Variants in ABCC8 observed in about 807,000 individuals in gnomAD.
ABCC8 encodes ATP-binding cassette sub-family C member 8.
A neutral mutation model predicts 188.0 loss-of-function variants in ABCC8; 137 were observed. That is an observed-to-expected ratio of 0.73 (90% CI 0.63 to 0.84). The LOEUF (loss-of-function observed/expected upper bound fraction) is 0.84, where lower values mean the gene tolerates loss of function less well. Ranked by LOEUF, ABCC8 falls within the 40% of genes least tolerant of loss-of-function variation. The pLI, the probability that ABCC8 is intolerant of heterozygous loss-of-function variation, is 0.00. For missense variants in ABCC8, 1,750 were observed against 2,072.7 expected (o/e 0.84, Z 3.02); for synonymous variants, 797 against 846.5 (o/e 0.94, Z 1.01).
At chr11:17,420,950 G>A (rs1955312729) in intron 16 of ABCC8, among the ~76,000 whole-genome samples, 1 of 152,228 alleles carries the variant, frequency 6.6e-6, no homozygotes, top group Admixed American at 6.5e-5. Flanking sequence ...GGAGGGGCAA[G>A]TGATTCTTCC....
intron 29 of ABCC8, among the ~76,000 whole-genome samples, chr11:17,399,331 T>G (rs1284336447): frequency 6.8e-6 from 1 of 147,786 alleles, no homozygotes; most frequent in Admixed American, 6.8e-5. Context: ...TTAATGACCT[T>G]CCACTGCTTA....
At chr11:17,418,298 G>A (rs1474152453) in intron 16 of ABCC8, among the ~76,000 whole-genome samples, 1 of 152,098 alleles carries the variant, frequency 6.6e-6, no homozygotes, top group African/African-American at 2.4e-5. Context: ...CCCTTGTCAG[G>A]AGAACCAGGA....
At chr11:17,437,082 ACT>A (rs1484218761) in intron 10 of ABCC8, among the ~76,000 whole-genome samples, 2 of 121,770 alleles carry the variant, frequency 1.6e-5, no homozygotes, top group Non-Finnish European at 3.3e-5. Flanking sequence ...CAAGAGTGAA[ACT>A]CTGTCTCAAA....
chr11:17,427,451 A>C lies in ABCC8; in HGVS notation c.2117-297T>G, dbSNP rs1955632918. 6.6e-6 allele frequency among the ~76,000 whole-genome samples: 1 copy of C among 152,028 alleles called. No homozygotes were observed. Among genetic ancestry groups the C allele is most frequent in the Non-Finnish European group, 1.5e-5 (1 of 67,996 alleles). On this transcript the variant is annotated intron_variant, in intron 15 of 38. Transcript: ENST00000389817. This position sits in a 1 kb window ranked among gnomAD's most constrained non-coding sequence, Gnocchi z 5.0. ...AGCCCAGGCTCCTTGTGGTCCCAAGAAACACCATCCTGGGTCCCACCTCCA... is the reference window on the plus strand; with the variant it reads ...AGCCCAGGCTCCTTGTGGTCCCAAGCAACACCATCCTGGGTCCCACCTCCA...
In ABCC8 at chr11:17,460,632, C is replaced by T. The variant is rs1403622046; in HGVS notation, c.867G>A (p.Gln289=). ...GCCTCCCGAAGGCATGGCTGAGTGC[C>T]TGCCAGATGGCCCGGGCACCTTGAG... ...QGTQGARAIW[Q]ALSHAFGRRL... The change falls in exon 6 of 39, where the codon CAG becomes CAA. Residue 289 remains glutamine (Q), a synonymous_variant. Transcript: ENST00000389817. 1 of 1,612,222 alleles carries T rather than the reference C, an allele frequency of 6.2e-7. No individual in the cohort carries two copies. Among genetic ancestry groups the T allele is most frequent in the African/African-American group, 1.3e-5 (1 of 74,932 alleles).
intron 33 of ABCC8, 194 bp from the exon 34 acceptor site, chr11:17,396,124 A>T (rs1020717732): frequency 1.5e-6 from 2 of 1,315,842 alleles, no homozygotes; most frequent in Non-Finnish European, 2.0e-6. Context: ...GGGCTTACAC[A>T]GGGACCGGCA....
chr11:17,397,342 T>C lies in ABCC8; in HGVS notation c.3868-29A>G, dbSNP rs758350275. The stretch of plus-strand genomic sequence containing the variant: ...TGGGGAGCAAGCCAGTGGCGCACAC[T>C]CCATGGTCGCTTAGTTCTGTCCTCA... On this transcript the variant is annotated intron_variant, in intron 31 of 38. Coordinates refer to ENST00000389817, the MANE Select transcript of ABCC8 (RefSeq NM_000352.6). 9 of 1,606,066 alleles carry C rather than the reference T, an allele frequency of 5.6e-6. No homozygotes were observed. In the South Asian group the frequency reaches 8.8e-5, roughly 16 times the overall value.
chr11:17,418,529 G>C (rs1162656943), intron 16 of ABCC8, among the ~76,000 whole-genome samples: 3 of 152,190 alleles, frequency 2.0e-5, no homozygotes, highest in Non-Finnish European at 4.4e-5. Flanking sequence ...ATGAGACATA[G>C]AAACCTAAAG....
chr11:17,440,273 A>T (rs949872569), intron 10 of ABCC8, among the ~76,000 whole-genome samples: 3 of 152,034 alleles, frequency 2.0e-5, no homozygotes, highest in Non-Finnish European at 4.4e-5. Flanking sequence ...GCCCTCTCCC[A>T]CCTCGGCAGC....
intron 1 of ABCC8, among the ~76,000 whole-genome samples, chr11:17,476,043 G>A (rs1848749912): frequency 6.6e-6 from 1 of 152,232 alleles, no homozygotes; most frequent in Non-Finnish European, 1.5e-5. Context: ...TGCCCGGGTG[G>A]GGTGGCGGGG....
rs142800205 is a variant in ABCC8 at position 17,397,638 on chromosome 11, G to A, written c.3867+46C>T. On this transcript the variant is annotated intron_variant, in intron 31 of 38. Coordinates refer to ENST00000389817, the MANE Select transcript of ABCC8 (RefSeq NM_000352.6). ...CTCCAGTGACGAAGGTGCTCCGGGA[G>A]TGCTGGTGTCTGACCCCTCCTCTGC... 122 of 1,594,192 alleles carry A rather than the reference G, an allele frequency of 7.7e-5. 1 individual carries two copies. In the African/African-American group the frequency reaches 1.4e-3, roughly 19 times the overall value.
At chr11:17,421,390 A>G (rs1195543797) in intron 16 of ABCC8, among the ~76,000 whole-genome samples, 1 of 152,212 alleles carries the variant, frequency 6.6e-6, no homozygotes, top group Non-Finnish European at 1.5e-5. Context: ...GGCATGTGGA[A>G]AGGAGAGAGA....
chr11:17,409,093 C>T (rs921715003), intron 22 of ABCC8, among the ~76,000 whole-genome samples: 1 of 151,130 alleles, frequency 6.6e-6, no homozygotes, highest in Admixed American at 6.6e-5. Context: ...GCTGGGACCA[C>T]AGGTGCACGC....
rs563178863 is a variant in ABCC8 at position 17,410,520 on chromosome 11, T to A, written c.2690A>T (p.Asp897Val). 2.5e-6 allele frequency: 4 copies of A among 1,614,156 alleles called. No individual in the cohort carries two copies. Among genetic ancestry groups the A allele is most frequent in the East Asian group, 4.5e-5 (2 of 44,866 alleles). Reference sequence around the variant, plus strand: ...GACCCCCTTGTTCCCCCTCACCCAGTCTGCATGGGGCAGGTACTGTAGCTT... The same window carrying A: ...GACCCCCTTGTTCCCCCTCACCCAGACTGCATGGGGCAGGTACTGTAGCTT... ...THKLQYLPHA[D>V]WIIAMKDGTI... The change falls in exon 22 of 39, where the codon GAC (aspartate) becomes GTC (valine). Residue 897 changes from aspartate to valine, a missense_variant. Asp to Val is a radical substitution (Grantham distance 152, BLOSUM62 -3). Transcript: ENST00000389817.
intron 8 of ABCC8, among the ~76,000 whole-genome samples, chr11:17,446,423 A>G (rs1956533729): frequency 6.6e-6 from 1 of 151,972 alleles, no homozygotes. Context: ...GCATGGTCAG[A>G]AATCTTCATT....
Position 17,460,543 on chromosome 11 carries a change from C to T in ABCC8, c.956G>A (p.Cys319Tyr). 1.9e-6 allele frequency: 3 copies of T among 1,614,106 alleles called. No individual in the cohort carries two copies. Among genetic ancestry groups the T allele is most frequent in the Non-Finnish European group, 1.7e-6 (2 of 1,180,048 alleles). The change falls in exon 6 of 39, where the codon TGC (cysteine) becomes TAC (tyrosine). Residue 319 changes from cysteine to tyrosine, a missense_variant. By Grantham distance (194) the Cys-to-Tyr change is radical (BLOSUM62 -2). Transcript: ENST00000389817. Reference sequence around the variant, plus strand: ...AAGGTGGTCCACGATCCCAAAGATGCACAGTGGCCCGGCGAAGCCCAGCAG... The same window carrying T: ...AAGGTGGTCCACGATCCCAAAGATGTACAGTGGCCCGGCGAAGCCCAGCAG... ...ADLLGFAGPL[C>Y]IFGIVDHLGK...
At chr11:17,396,276 G>A (rs748111348) in intron 33 of ABCC8, 3 of 436,866 alleles carry the variant, frequency 6.9e-6, no homozygotes, top group South Asian at 4.2e-5. Context: ...GGGCAGCTGA[G>A]AGTGGTATGC....
intron 16 of ABCC8, among the ~76,000 whole-genome samples, chr11:17,423,673 G>A (rs1269690692): frequency 6.6e-6 from 1 of 152,222 alleles, no homozygotes; most frequent in Non-Finnish European, 1.5e-5. Flanking sequence ...GGGAGCTGGG[G>A]CCTAGGCTAC....
intron 3 of ABCC8, among the ~76,000 whole-genome samples, chr11:17,464,784 G>C (rs932642651): frequency 3.3e-5 from 5 of 152,152 alleles, no homozygotes; most frequent in African/African-American, 1.2e-4. Flanking sequence ...CTTTGAGGGT[G>C]GGGGAGATTT....
Sources: allele counts gnomAD v4.1 joint callset (sites outside exome capture counted in the v4.1 genomes callset), GRCh38; gene constraint gnomAD v4.1.1; non-coding constraint Gnocchi (gnomAD v3.1); transcripts MANE v1.5; gene names NCBI Gene and HGNC (gene_info 2026-07-23, HGNC 2026-07-21).